The following GPD2 variants were observed in gnomAD, a reference collection of about 807,000 sequenced individuals.
GPD2 encodes glycerol-3-phosphate dehydrogenase 2.
Under a neutral mutation model 82.4 loss-of-function variants are expected in GPD2, and 54 were observed. The ratio of observed to expected loss-of-function variants is 0.66; its 90% CI spans 0.53 to 0.82. GPD2 has a LOEUF of 0.82. Ranked by LOEUF, GPD2 falls within the 40% of genes least tolerant of loss-of-function variation. The pLI is 0.00. For synonymous variants in GPD2, 288 were observed against 306.1 expected (o/e 0.94, Z 0.62); for missense variants, 748 against 896.2 (o/e 0.83, Z 2.11).
intron 6 of GPD2, among the ~76,000 whole-genome samples, chr2:156,544,100 A>G (rs563387612): frequency 3.3e-5 from 5 of 152,296 alleles, no homozygotes; most frequent in Non-Finnish European, 5.9e-5. Context: ...TGGAATGCTC[A>G]TCAGGTGGCT....
At chr2:156,537,689 G>A (rs1238066306) in intron 6 of GPD2, among the ~76,000 whole-genome samples, 1 of 152,178 alleles carries the variant, frequency 6.6e-6, no homozygotes, top group Admixed American at 6.5e-5. Context: ...GACAAAGGGA[G>A]TATTTTTGAC....
chr2:156,474,781 G>A (rs566822210), intron 1 of GPD2, among the ~76,000 whole-genome samples: 1 of 152,080 alleles, frequency 6.6e-6, no homozygotes, highest in East Asian at 1.9e-4. Context: ...CAAGTGAGAG[G>A]AAAGAAAGTT....
intron 6 of GPD2, among the ~76,000 whole-genome samples, chr2:156,539,310 A>G (rs1173377770): frequency 1.3e-5 from 2 of 152,186 alleles, no homozygotes; most frequent in Non-Finnish European, 2.9e-5. Context: ...ACAGACTCTG[A>G]TGAGGAAAGG....
intron 2 of GPD2, among the ~76,000 whole-genome samples, chr2:156,487,944 A>C (rs1457028177): frequency 1.3e-5 from 2 of 152,206 alleles, no homozygotes; most frequent in African/African-American, 4.8e-5. Flanking sequence ...TTGATAATTT[A>C]AGTGTTTGGA....
Position 156,582,852 on chromosome 2 carries a change from A to G in GPD2, c.2118A>G (p.Lys706=). The part of the protein sequence containing the change: ...VSGSRLAILM[K]TAEENLDRRV... The stretch of plus-strand genomic sequence containing the variant: ...GAAGCCGGCTTGCTATACTAATGAA[A>G]ACTGCAGAAGAGAACCTCGACAGAA... Residue 706 remains lysine (K), a synonymous_variant, in exon 17 of 17, where the codon AAA becomes AAG. Coordinates refer to ENST00000438166, the MANE Select transcript of GPD2 (RefSeq NM_000408.5). 6.2e-7 allele frequency: 1 copy of G among 1,613,228 alleles called. No individual in the cohort carries two copies. The highest frequency in any genetic ancestry group is 1.3e-5 in the African/African-American group (1 of 74,996).
intron 16 of GPD2, 152 bp from the exon 17 acceptor site, chr2:156,582,641 T>A (rs1404016391): frequency 8.7e-6 from 7 of 801,042 alleles, no homozygotes; most frequent in Admixed American, 2.0e-5. Flanking sequence ...GTTTAAAAAT[T>A]AGACTCTTCT....
At chr2:156,506,498 C>A (rs1245727316) in intron 3 of GPD2, among the ~76,000 whole-genome samples, 1 of 152,088 alleles carries the variant, frequency 6.6e-6, no homozygotes, top group Non-Finnish European at 1.5e-5. Flanking sequence ...AAAGTGTTAG[C>A]TCTCACTTAA....
intron 3 of GPD2, among the ~76,000 whole-genome samples, chr2:156,499,921 A>C (rs1684527184): frequency 6.6e-6 from 1 of 151,940 alleles, no homozygotes; most frequent in Admixed American, 6.6e-5. Context: ...ACAACTTAGC[A>C]GTTTATTACT....
intron 9 of GPD2, among the ~76,000 whole-genome samples, chr2:156,559,900 A>G (rs1278935069): frequency 6.6e-6 from 1 of 152,168 alleles, no homozygotes; most frequent in East Asian, 1.9e-4. Flanking sequence ...AGGAGCTTCA[A>G]CATTGGATTA....
chr2:156,469,531 A>G (rs1269914976), intron 1 of GPD2, among the ~76,000 whole-genome samples: 1 of 152,000 alleles, frequency 6.6e-6, no homozygotes, highest in Non-Finnish European at 1.5e-5. Flanking sequence ...TTTGTTATCC[A>G]TTTGTCTGTT....
chr2:156,502,500 C>G (rs1418322450), intron 3 of GPD2, among the ~76,000 whole-genome samples: 1 of 152,162 alleles, frequency 6.6e-6, no homozygotes, highest in Non-Finnish European at 1.5e-5. Flanking sequence ...CATCATAGCT[C>G]ACTGCAGACT....
intron 1 of GPD2, among the ~76,000 whole-genome samples, chr2:156,465,998 C>T (rs1683139215): frequency 6.6e-6 from 1 of 152,164 alleles, no homozygotes; most frequent in African/African-American, 2.4e-5. Context: ...CTGTACTAGG[C>T]ATGTTATCTA....
intron 2 of GPD2, among the ~76,000 whole-genome samples, chr2:156,482,416 A>G (rs1341346932): frequency 6.6e-6 from 1 of 152,152 alleles, no homozygotes; most frequent in African/African-American, 2.4e-5. Context: ...GAATTATGGC[A>G]TACTTGATTT....
Position 156,582,805 on chromosome 2 carries a change from A to G in GPD2, c.2071A>G (p.Ile691Val), listed in dbSNP as rs751750878. 6.8e-6 allele frequency: 11 copies of G among 1,613,052 alleles called. No individual in the cohort carries two copies. Among genetic ancestry groups the G allele is most frequent in the African/African-American group, 1.3e-5 (1 of 74,996 alleles). Reference protein sequence around the residue: ...LNEFLQLMSAIQKGRVSGSRL... With the variant: ...LNEFLQLMSAVQKGRVSGSRL... ...TTTTCTCTTTAAGCTGATGAGTGCT[A>G]TTCAAAAAGGAAGGGTATCTGGAAG... Residue 691 changes from isoleucine (I) to valine (V), a missense_variant, in exon 17 of 17, where the codon ATT (isoleucine) becomes GTT (valine). Coordinates refer to ENST00000438166, the MANE Select transcript of GPD2 (RefSeq NM_000408.5).
the GPD2 span, among the ~76,000 whole-genome samples, chr2:156,403,114 C>CAAAAACA: frequency 5.9e-5 from 4 of 67,870 alleles, 1 homozygote; most frequent in Non-Finnish European, 1.1e-4. Context: ...GCCCCTGTCT[C>CAAAAACA]AAAAAAAAAA....
intron 1 of GPD2, among the ~76,000 whole-genome samples, chr2:156,465,117 C>T (rs1010340187): frequency 6.6e-6 from 1 of 152,184 alleles, no homozygotes; most frequent in Non-Finnish European, 1.5e-5. Flanking sequence ...TCCCAGAGTG[C>T]TGGGATTACA....
At chr2:156,422,958 GT>G in the GPD2 span, among the ~76,000 whole-genome samples, 1 of 152,132 alleles carries the variant, frequency 6.6e-6, no homozygotes, top group African/African-American at 2.4e-5. Context: ...TATTTGTTAG[GT>G]GAATGAATAA....
At chr2:156,500,694 C>T (rs543963873) in intron 3 of GPD2, among the ~76,000 whole-genome samples, 3 of 152,244 alleles carry the variant, frequency 2.0e-5, no homozygotes, top group East Asian at 3.9e-4. Context: ...TGATAAAATA[C>T]TGTGCCCAAA....
chr2:156,569,612 ATCAG>A, intron 11 of GPD2, 74 bp downstream of exon 11: 4 of 846,588 alleles, frequency 4.7e-6, no homozygotes, highest in Non-Finnish European at 7.7e-6. Flanking sequence ...ACTGGCAGCA[ATCAG>A]GTCTCCCTGA....
Sources: allele counts gnomAD v4.1 joint callset (sites outside exome capture counted in the v4.1 genomes callset), GRCh38; gene constraint gnomAD v4.1.1; transcripts MANE v1.5; gene names NCBI Gene and HGNC (gene_info 2026-07-23, HGNC 2026-07-21).